LEPR: variants seen among roughly 807,000 people sequenced by gnomAD.
LEPR encodes the protein OB receptor.
LEPR carries 56 observed loss-of-function variants against 114.7 expected under a neutral mutation model. The observed-to-expected ratio is 0.49, with a 90% CI of 0.39 to 0.61. LEPR has a LOEUF of 0.61. LEPR is among the 20% of genes least tolerant of loss of function. LEPR has a pLI of 0.00. For missense variants in LEPR, 1,202 were observed against 1,352.9 expected (o/e 0.89, Z 1.75); for synonymous variants, 443 against 461.4 (o/e 0.96, Z 0.51).
At chr1:65,636,047 T>C (rs992420271) in intron 19 of LEPR, 144 bp from the exon 20 acceptor site, 2 of 876,240 alleles carry the variant, frequency 2.3e-6, no homozygotes, top group Non-Finnish European at 3.5e-6. Context: ...TTTTGATATA[T>C]GTATTTTAGT....
intron 5 of LEPR, among the ~76,000 whole-genome samples, chr1:65,584,983 A>G (rs894820562): frequency 3.3e-5 from 5 of 152,022 alleles, no homozygotes; most frequent in Admixed American, 6.6e-5. Context: ...TTGGCATTCA[A>G]TAGGTCTGGG....
chr1:65,638,133 G>A lies in LEPR; in HGVS notation c.*1118G>A, dbSNP rs1658771697. On this transcript the variant is annotated 3_prime_UTR_variant, in exon 20 of 20. Coordinates refer to ENST00000349533, the MANE Select transcript of LEPR (RefSeq NM_002303.6). ...GGAGGCTGAGGCGGGTGGATCGCTT[G>A]AGCTCAGAAGTCTTGAAACTAGCCG... 1 of 152,142 alleles carries A rather than the reference G, an allele frequency of 6.6e-6. No homozygotes were observed. The highest frequency in any genetic ancestry group is 1.5e-5 in the Non-Finnish European group (1 of 68,036). 9.4% of individuals were successfully genotyped at this position (152,142 alleles called of 1,614,324 possible). A position where few individuals can be genotyped will look rare whatever the true frequency, so the allele number is the denominator to read the frequency against.
At chr1:65,491,525 C>T (rs1647870038) in intron 2 of LEPR, among the ~76,000 whole-genome samples, 1 of 152,062 alleles carries the variant, frequency 6.6e-6, no homozygotes, top group Admixed American at 6.6e-5. Context: ...TTTAAAATTT[C>T]AAAGAGAGGT....
At chr1:65,550,516 C>T (rs970711056) in intron 2 of LEPR, among the ~76,000 whole-genome samples, 2 of 152,230 alleles carry the variant, frequency 1.3e-5, no homozygotes, top group African/African-American at 4.8e-5. Flanking sequence ...GAGCCTGGGC[C>T]ATGGCGGGTG....
intron 5 of LEPR, among the ~76,000 whole-genome samples, chr1:65,575,014 G>A (rs909292669): frequency 3.3e-5 from 5 of 152,140 alleles, no homozygotes; most frequent in Admixed American, 6.5e-5. Context: ...ACACTGCAGA[G>A]CTGGAATTCA....
chr1:65,462,070 C>T (rs372471757), intron 2 of LEPR, among the ~76,000 whole-genome samples: 3 of 152,218 alleles, frequency 2.0e-5, no homozygotes, highest in African/African-American at 7.2e-5. Flanking sequence ...TATACATGTG[C>T]CATGTTGTTT....
At chr1:65,464,667 G>T (rs1017368010) in intron 2 of LEPR, among the ~76,000 whole-genome samples, 1 of 152,002 alleles carries the variant, frequency 6.6e-6, no homozygotes, top group East Asian at 1.9e-4. Context: ...GACTTTTTTT[G>T]GTTGATAGGC....
At chr1:65,472,578 C>T (rs17412347) in intron 2 of LEPR, among the ~76,000 whole-genome samples, 3,194 of 147,264 alleles carry the variant, frequency 0.022, 81 homozygotes, top group South Asian at 0.097. Flanking sequence ...AATATCAATG[C>T]TCTCAGAATA....
chr1:65,581,770 G>C (rs1262188786), intron 5 of LEPR, among the ~76,000 whole-genome samples: 1 of 152,168 alleles, frequency 6.6e-6, no homozygotes, highest in Non-Finnish European at 1.5e-5. Flanking sequence ...CTTACAGCAA[G>C]AAGAAACCAA....
At chr1:65,521,842 G>A (rs1649648461) in intron 2 of LEPR, among the ~76,000 whole-genome samples, 1 of 152,130 alleles carries the variant, frequency 6.6e-6, no homozygotes, top group Non-Finnish European at 1.5e-5. Flanking sequence ...GCTCACACCT[G>A]TAATCCCAGC....
chr1:65,588,549 C>T (rs900524860), intron 5 of LEPR, among the ~76,000 whole-genome samples: 1 of 151,928 alleles, frequency 6.6e-6, no homozygotes, highest in Non-Finnish European at 1.5e-5. Context: ...CTTCCTGCTC[C>T]TTTGTAATCC....
At chr1:65,573,399 T>C (rs1654348948) in intron 5 of LEPR, among the ~76,000 whole-genome samples, 1 of 152,196 alleles carries the variant, frequency 6.6e-6, no homozygotes. Flanking sequence ...AGGTGCGTTT[T>C]ATATTTCTTT....
Position 65,492,467 on chromosome 1 carries a change from A to G in LEPR, c.-21+67089A>G, listed in dbSNP as rs77917231. On this transcript the variant is annotated intron_variant, in intron 2 of 19. Transcript: ENST00000349533. ...GGTGGGAATAACAGCAATAATCAAGATAAAACCTTATGTTGGGTACAATCT... is the reference window on the plus strand; with the variant it reads ...GGTGGGAATAACAGCAATAATCAAGGTAAAACCTTATGTTGGGTACAATCT... Among the ~76,000 whole-genome samples the G allele has an allele frequency of 5.1e-3, 780 of 152,238 alleles. 6 individuals are homozygous for G. The highest frequency in any genetic ancestry group is 0.018 in the African/African-American group (737 of 41,566).
At chr1:65,463,932 G>C (rs778386929) in intron 2 of LEPR, among the ~76,000 whole-genome samples, 5 of 152,160 alleles carry the variant, frequency 3.3e-5, no homozygotes, top group Admixed American at 6.5e-5. Flanking sequence ...GGGCTGAGAT[G>C]ATGGGGTTTT....
At chr1:65,506,732 G>A (rs1307842520) in intron 2 of LEPR, among the ~76,000 whole-genome samples, 1 of 151,936 alleles carries the variant, frequency 6.6e-6, no homozygotes, top group African/African-American at 2.4e-5. Flanking sequence ...ATACTCTGTG[G>A]GATGATCAAA....
At chr1:65,431,822 G>C (rs1481189782) in intron 2 of LEPR, 2 of 1,613,660 alleles carry the variant, frequency 1.2e-6, no homozygotes, top group Non-Finnish European at 1.7e-6. Context: ...GGAGCCTGCG[G>C]CCTTGTGTTG....
chr1:65,491,161 C>G (rs1345330413), intron 2 of LEPR, among the ~76,000 whole-genome samples: 1 of 152,126 alleles, frequency 6.6e-6, no homozygotes, highest in Non-Finnish European at 1.5e-5. Context: ...TTACTACACC[C>G]TAACAAAGTC....
chr1:65,432,703 CAGTT>C (rs915857187), intron 2 of LEPR: 116 of 898,442 alleles, frequency 1.3e-4, no homozygotes, highest in South Asian at 7.2e-4. Context: ...TACAAAGCCT[CAGTT>C]AGGAGGAATA....
At chr1:65,561,546 A>G (rs1307137488) in intron 2 of LEPR, among the ~76,000 whole-genome samples, 1 of 55,986 alleles carries the variant, frequency 1.8e-5, no homozygotes, top group South Asian at 1.1e-3. Flanking sequence ...TTGTGTCTCT[A>G]TTTCCTTCAG....
Sources: allele counts gnomAD v4.1 joint callset (sites outside exome capture counted in the v4.1 genomes callset), GRCh38; gene constraint gnomAD v4.1.1; transcripts MANE v1.5; gene names NCBI Gene and HGNC (gene_info 2026-07-23, HGNC 2026-07-21).